RPS20: variants seen among roughly 807,000 people sequenced by gnomAD.
RPS20 encodes the protein ribosomal protein S20, also known as small ribosomal subunit protein uS10.
A neutral mutation model predicts 15.3 loss-of-function variants in RPS20; 3 were observed. The observed-to-expected ratio is 0.20, with a 90% CI of 0.09 to 0.51. RPS20 has a LOEUF of 0.51. RPS20 is among the 20% of genes least tolerant of loss of function. RPS20 has a pLI of 0.96. For synonymous variants in RPS20, 62 were observed against 47.8 expected (o/e 1.30, Z -1.23); for missense variants, 67 against 145.9 (o/e 0.46, Z 2.79).
chr8:56,073,996 A>C, intron 2 of RPS20, 64 bp downstream of exon 2: 1 of 1,311,304 alleles, frequency 7.6e-7, no homozygotes, highest in East Asian at 2.3e-5. Flanking sequence ...CACTAACATT[A>C]ACGAGTAAAG....
At chr8:56,069,235 TTAC>T (rs1809687963), downstream of RPS20, among the ~76,000 whole-genome samples, 1 of 149,998 alleles carries the variant, frequency 6.7e-6, no homozygotes, top group Non-Finnish European at 1.5e-5. Flanking sequence ...CGCCTCTGAC[TTAC>T]TTTTTCCTTT....
At chr8:56,068,987 A>C (rs140750578), downstream of RPS20, among the ~76,000 whole-genome samples, 2,956 of 151,662 alleles carry the variant, frequency 0.019, 79 homozygotes, top group African/African-American at 0.06. Flanking sequence ...TAGCAGAGAC[A>C]GGGTTTCACC....
In RPS20 at chr8:56,074,068, A is replaced by C. The variant is rs766687723; in HGVS notation, c.95T>G (p.Leu32Trp). Residue 32 changes from leucine (L) to tryptophan (W), a missense_variant, in exon 2 of 4, where the codon TTG (leucine) becomes TGG (tryptophan). By Grantham distance (61) the Leu-to-Trp change is moderately conservative. Coordinates refer to ENST00000009589, the MANE Select transcript of RPS20 (RefSeq NM_001023.4). Reference protein sequence around the residue: ...ITLTSRNVKSLEKVCADLIRG... With the variant: ...ITLTSRNVKSWEKVCADLIRG... ...ATAACGAATGCACTGACCCTTTTCC[A>C]AGGATTTTACGTTGCGGCTTGTTAG... 6.2e-7 allele frequency: 1 copy of C among 1,612,944 alleles called. No individual in the cohort carries two copies. Among genetic ancestry groups the C allele is most frequent in the Non-Finnish European group, 8.5e-7 (1 of 1,179,288 alleles).
At position 56,074,064 on chromosome 8, in the gene RPS20, T is replaced by C; in HGVS notation, c.99A>G (p.Glu33=). 1.2e-6 allele frequency: 2 copies of C among 1,613,272 alleles called. No individual in the cohort carries two copies. The highest frequency in any genetic ancestry group is 1.7e-6 in the Non-Finnish European group (2 of 1,179,374). The part of the protein sequence containing the change: ...TLTSRNVKSL[E]KVCADLIRGA... Reference sequence around the variant, plus strand: ...CCGCATAACGAATGCACTGACCCTTTTCCAAGGATTTTACGTTGCGGCTTG... The same window carrying C: ...CCGCATAACGAATGCACTGACCCTTCTCCAAGGATTTTACGTTGCGGCTTG... The change falls in exon 2 of 4, where the codon GAA becomes GAG. Residue 33 remains glutamate, a synonymous_variant. Transcript: ENST00000009589.
At chr8:56,070,731 T>G (rs929889790), downstream of RPS20, among the ~76,000 whole-genome samples, 25 of 139,284 alleles carry the variant, frequency 1.8e-4, no homozygotes, top group Non-Finnish European at 3.2e-4. Context: ...TGTTTCCATT[T>G]AAATTCAAAA....
chr8:56,071,250 CA>C (rs1190725090), downstream of RPS20, among the ~76,000 whole-genome samples: 3 of 152,134 alleles, frequency 2.0e-5, no homozygotes, highest in South Asian at 2.1e-4. Flanking sequence ...ACTTTAGTGA[CA>C]TTTTTTTCAG....
chr8:56,072,723 A>T, downstream of RPS20: 2 of 225,526 alleles, frequency 8.9e-6, no homozygotes, highest in Non-Finnish European at 1.5e-5. Context: ...TAAAAATATT[A>T]GTTACTAGCT....
chr8:56,073,551 G>T (rs28420596), intron 3 of RPS20, 144 bp downstream of exon 3: 22,935 of 727,208 alleles, frequency 0.032, 435 homozygotes, highest in South Asian at 0.046. Flanking sequence ...TACTTACTAG[G>T]AACCGCAATC....
chr8:56,073,517 C>G, intron 3 of RPS20, 178 bp downstream of exon 3: 1 of 655,936 alleles, frequency 1.5e-6, no homozygotes, highest in East Asian at 2.7e-5. Flanking sequence ...AACAATAATT[C>G]AACAATCATA....
At chr8:56,069,642 A>C (rs979410184), downstream of RPS20, 81 of 1,102,044 alleles carry the variant, frequency 7.3e-5, no homozygotes, top group Non-Finnish European at 1.0e-4. Context: ...ATTTGCATCC[A>C]CTGAAGTACA....
intron 1 of RPS20, 34 bp from the exon 2 acceptor site, chr8:56,074,193 CA>C (rs1809864438): frequency 6.3e-7 from 1 of 1,578,216 alleles, no homozygotes; most frequent in Non-Finnish European, 8.7e-7. Context: ...AACAATAAGC[CA>C]AAAATGGTCT....
downstream of RPS20, chr8:56,069,937 C>T (rs1809706538): frequency 2.9e-6 from 2 of 701,340 alleles, no homozygotes; most frequent in Admixed American, 2.0e-5. Flanking sequence ...TACTTACATA[C>T]CATTTACATT....
chr8:56,070,261 T>A (rs566073367), downstream of RPS20, among the ~76,000 whole-genome samples: 15 of 152,284 alleles, frequency 9.9e-5, no homozygotes, highest in African/African-American at 3.4e-4. Context: ...ACTATTAGTA[T>A]CCTCATTTGG....
At chr8:56,073,898 G>A (rs774333584) in intron 2 of RPS20, 130 bp from the exon 3 acceptor site, 17 of 1,085,576 alleles carry the variant, frequency 1.6e-5, no homozygotes, top group South Asian at 8.7e-5. Flanking sequence ...CCTCCTCATC[G>A]CCAGCTGTAT....
At chr8:56,069,854 G>GA (rs762983865), downstream of RPS20, 38 of 1,318,246 alleles carry the variant, frequency 2.9e-5, no homozygotes, top group South Asian at 7.6e-5. Flanking sequence ...AAAGTATTCA[G>GA]AAAAAAAATT....
At position 56,074,082 on chromosome 8, in the gene RPS20, G is replaced by T; in HGVS notation, c.81C>A (p.Arg27=). 1 of 1,613,702 alleles carries T rather than the reference G, an allele frequency of 6.2e-7. No homozygotes were observed. Among genetic ancestry groups the T allele is most frequent in the Non-Finnish European group, 8.5e-7 (1 of 1,179,868 alleles). Residue 27 remains arginine (R), a synonymous_variant, in exon 2 of 4, where the codon CGC becomes CGA. Transcript: ENST00000009589. ...GACCCTTTTCCAAGGATTTTACGTT[G>T]CGGCTTGTTAGGGTGATTCGAATTC... The part of the protein sequence containing the change: ...IHRIRITLTS[R]NVKSLEKVCA...
chr8:56,072,131 C>T (rs1809779508), downstream of RPS20, among the ~76,000 whole-genome samples: 1 of 152,000 alleles, frequency 6.6e-6, no homozygotes, highest in African/African-American at 2.4e-5. Context: ...GTCCCAGCTA[C>T]TAGGCAGTTT....
chr8:56,070,866 C>T (rs1563346577), downstream of RPS20, among the ~76,000 whole-genome samples: 1 of 152,116 alleles, frequency 6.6e-6, no homozygotes, highest in East Asian at 1.9e-4. Flanking sequence ...GTAAGCACTG[C>T]AGAGATATCC....
At chr8:56,070,851 ATAGAG>A (rs1434691553), downstream of RPS20, among the ~76,000 whole-genome samples, 1 of 152,160 alleles carries the variant, frequency 6.6e-6, no homozygotes, top group Non-Finnish European at 1.5e-5. Context: ...GCAAATCCAA[ATAGAG>A]TAAGCACTGC....
Sources: allele counts gnomAD v4.1 joint callset (sites outside exome capture counted in the v4.1 genomes callset), GRCh38; gene constraint gnomAD v4.1.1; transcripts MANE v1.5; gene names NCBI Gene and HGNC (gene_info 2026-07-23, HGNC 2026-07-21).